GPC5: variants seen among roughly 807,000 people sequenced by gnomAD.
The protein encoded by GPC5 is glypican 5.
Under a neutral mutation model 53.9 loss-of-function variants are expected in GPC5, and 47 were observed. The ratio of observed to expected loss-of-function variants is 0.87; its 90% CI spans 0.69 to 1.11. The LOEUF (loss-of-function observed/expected upper bound fraction) is 1.11, where lower values mean the gene tolerates loss of function less well. Among genes scored for constraint, GPC5 ranks in the 50% most tolerant of loss-of-function variants. GPC5 has a pLI of 0.00. For synonymous variants in GPC5, 286 were observed against 263.3 expected (o/e 1.09, Z -0.84); for missense variants, 748 against 713.1 (o/e 1.05, Z -0.56).
At chr13:92,698,549 C>T (rs1403957977) in intron 7 of GPC5, among the ~76,000 whole-genome samples, 1 of 152,178 alleles carries the variant, frequency 6.6e-6, no homozygotes, top group East Asian at 1.9e-4. Context: ...GCCACATTTT[C>T]TTAATCCAGT....
chr13:91,801,594 G>T (rs1233266535), intron 5 of GPC5, among the ~76,000 whole-genome samples: 1 of 152,162 alleles, frequency 6.6e-6, no homozygotes, highest in African/African-American at 2.4e-5. Context: ...AACATAAGTG[G>T]TTAATTGCTA....
At chr13:92,336,449 C>T (rs931137679) in intron 7 of GPC5, among the ~76,000 whole-genome samples, 2 of 152,018 alleles carry the variant, frequency 1.3e-5, no homozygotes, top group African/African-American at 4.8e-5. Flanking sequence ...TGAACAAAAA[C>T]ATATGAGAAT....
In GPC5 at chr13:91,735,027, T is replaced by C. The variant is rs542773887; in HGVS notation, c.1154+6362T>C. On this transcript the variant is annotated intron_variant, in intron 4 of 7. Coordinates refer to ENST00000377067, the MANE Select transcript of GPC5 (RefSeq NM_004466.6). ...TCCTTTTAGACATTGAAAACATTTT[T>C]TATCTAAGAAAATAGTTCATTTAAT... Among the ~76,000 whole-genome samples, 86 of 151,286 alleles carry C rather than the reference T, an allele frequency of 5.7e-4. 3 individuals are homozygous for C. Among genetic ancestry groups the C allele is most frequent in the African/African-American group, 2.1e-3 (84 of 40,738 alleles).
intron 7 of GPC5, among the ~76,000 whole-genome samples, chr13:92,256,682 T>C (rs1316270550): frequency 6.6e-6 from 1 of 152,050 alleles, no homozygotes; most frequent in Non-Finnish European, 1.5e-5. Context: ...TAGTTCAATA[T>C]GAATCTGTAC....
chr13:92,099,588 TAATAA>T (rs1488369171), intron 6 of GPC5, among the ~76,000 whole-genome samples: 1 of 152,232 alleles, frequency 6.6e-6, no homozygotes. Context: ...TCTGGATGTT[TAATAA>T]AATAAACCAT....
At chr13:92,855,009 G>T (rs1594552445) in intron 7 of GPC5, among the ~76,000 whole-genome samples, 1 of 151,954 alleles carries the variant, frequency 6.6e-6, no homozygotes, top group Non-Finnish European at 1.5e-5. Context: ...GTATTTTTGT[G>T]GTTTCAGGTC....
rs557274527 is a variant in GPC5, at chr13:92,086,761, C to T, written c.1402-58069C>T. On this transcript the variant is annotated intron_variant, in intron 6 of 7. Transcript: ENST00000377067. Reference sequence around the variant, plus strand: ...ACAACCTCCACCTCCCAGGTTCAAGCGATTCTCCTGCCTCAGCCTCCCAAG... The same window carrying T: ...ACAACCTCCACCTCCCAGGTTCAAGTGATTCTCCTGCCTCAGCCTCCCAAG... Among the ~76,000 whole-genome samples, 176 of 152,104 alleles carry T rather than the reference C, an allele frequency of 1.2e-3. 2 individuals carry two copies. Among genetic ancestry groups the T allele is most frequent in the African/African-American group, 1.5e-3 (64 of 41,502 alleles).
chr13:91,741,505 G>T (rs77562286), intron 4 of GPC5, among the ~76,000 whole-genome samples: 110 of 152,136 alleles, frequency 7.2e-4, no homozygotes, highest in African/African-American at 2.6e-3. Flanking sequence ...ATAATTAAAC[G>T]TGGGAAAAAA....
chr13:92,799,320 A>G (rs901784902), intron 7 of GPC5, among the ~76,000 whole-genome samples: 4 of 151,840 alleles, frequency 2.6e-5, no homozygotes, highest in African/African-American at 9.7e-5. Context: ...AAATATTTAT[A>G]TGTTAAATTA....
At chr13:92,850,230 C>T (rs1275029065) in intron 7 of GPC5, among the ~76,000 whole-genome samples, 1 of 152,080 alleles carries the variant, frequency 6.6e-6, no homozygotes, top group East Asian at 1.9e-4. Context: ...ACATAGGATG[C>T]CCAAGAAAGC....
intron 2 of GPC5, among the ~76,000 whole-genome samples, chr13:91,558,201 G>A (rs1323561297): frequency 2.6e-5 from 4 of 152,044 alleles, no homozygotes; most frequent in African/African-American, 9.7e-5. Flanking sequence ...TGGTGAGTAA[G>A]TTGTTACTCT....
At chr13:92,300,671 G>GTAA (rs1268996096) in intron 7 of GPC5, among the ~76,000 whole-genome samples, 3 of 152,188 alleles carry the variant, frequency 2.0e-5, no homozygotes, top group Admixed American at 6.5e-5. Flanking sequence ...TTAAGACAGT[G>GTAA]TAATGAGGAA....
At chr13:92,108,738 CT>C (rs912422906) in intron 6 of GPC5, among the ~76,000 whole-genome samples, 3 of 152,130 alleles carry the variant, frequency 2.0e-5, no homozygotes, top group Non-Finnish European at 4.4e-5. Context: ...CATATTTCTA[CT>C]TTGGATCTCC....
At position 92,039,028 on chromosome 13, in the gene GPC5, T is replaced by G. The variant is rs72635409; in HGVS notation, c.1402-105802T>G. Among the ~76,000 whole-genome samples, 905 of 152,328 alleles carry G rather than the reference T, an allele frequency of 5.9e-3. 7 individuals are homozygous for G. The highest frequency in any genetic ancestry group is 0.024 in the Middle Eastern group (7 of 294). On this transcript the variant is annotated intron_variant, in intron 6 of 7. Transcript: ENST00000377067. Reference sequence around the variant, plus strand: ...GCTGGTAATTCACTTAAGGAGATGTTTGAAATTTTCTATTAAGCAAGAAAG... The same window carrying G: ...GCTGGTAATTCACTTAAGGAGATGTGTGAAATTTTCTATTAAGCAAGAAAG...
At chr13:91,987,069 G>C (rs1028193882) in intron 6 of GPC5, among the ~76,000 whole-genome samples, 6 of 152,204 alleles carry the variant, frequency 3.9e-5, no homozygotes, top group Non-Finnish European at 7.3e-5. Context: ...TGTTAGCCAG[G>C]ATGGCATAAA....
chr13:92,800,003 A>G lies in GPC5; in HGVS notation c.1562-66279A>G, dbSNP rs142600804. 1.1e-3 allele frequency among the ~76,000 whole-genome samples: 173 copies of G among 151,914 alleles called. 1 individual carries two copies. The highest frequency in any genetic ancestry group is 4.1e-3 in the African/African-American group (169 of 41,506). On this transcript the variant is annotated intron_variant, in intron 7 of 7. Transcript: ENST00000377067. ...ACCTTACTATCAATTCCAGTTTCAG[A>G]GAGATAGTAATAGCCCTAGATATTC...
chr13:92,754,389 A>C (rs1486656919), intron 7 of GPC5, among the ~76,000 whole-genome samples: 2 of 152,238 alleles, frequency 1.3e-5, no homozygotes, highest in African/African-American at 2.4e-5. Context: ...CAAAATGTAA[A>C]GACCATCAAG....
At chr13:91,827,711 G>A (rs1566288984) in intron 5 of GPC5, among the ~76,000 whole-genome samples, 1 of 152,048 alleles carries the variant, frequency 6.6e-6, no homozygotes, top group Non-Finnish European at 1.5e-5. Flanking sequence ...GTTTCTTGCT[G>A]AGCGTATAGA....
chr13:92,010,690 C>T (rs1414927945), intron 6 of GPC5, among the ~76,000 whole-genome samples: 2 of 152,140 alleles, frequency 1.3e-5, no homozygotes, highest in African/African-American at 4.8e-5. Flanking sequence ...TCTCTCCACC[C>T]CCACTGCAAG....
Sources: allele counts gnomAD v4.1 joint callset (sites outside exome capture counted in the v4.1 genomes callset), GRCh38; gene constraint gnomAD v4.1.1; transcripts MANE v1.5; gene names NCBI Gene and HGNC (gene_info 2026-07-23, HGNC 2026-07-21).